TMEM184C: variants seen among roughly 807,000 people sequenced by gnomAD.
TMEM184C encodes transmembrane protein 34.
TMEM184C carries 25 observed loss-of-function variants against 54.5 expected under a neutral mutation model. The ratio of observed to expected loss-of-function variants is 0.46; its 90% CI spans 0.33 to 0.64. The LOEUF (loss-of-function observed/expected upper bound fraction) is 0.64, where lower values mean the gene tolerates loss of function less well. TMEM184C is among the 30% of genes least tolerant of loss of function. The probability of loss-of-function intolerance (pLI) is 0.02; values close to 1 mark genes in which losing one functional copy is unlikely to be tolerated. For synonymous variants in TMEM184C, 148 were observed against 181.5 expected (o/e 0.82, Z 1.49); for missense variants, 335 against 520.3 (o/e 0.64, Z 3.46).
rs2126556556 is a variant in TMEM184C, at chr4:147,635,218, T to A, written c.*784T>A. On this transcript the variant is annotated 3_prime_UTR_variant, in exon 10 of 10. Transcript: ENST00000296582. ...TCTTTCAATAAATAAGAATTTATCA[T>A]TTATTTTCTGCAACTTTTTTATGTC... 1.3e-5 allele frequency: 2 copies of A among 152,356 alleles called. No individual in the cohort carries two copies. The highest frequency in any genetic ancestry group is 2.4e-5 in the African/African-American group (1 of 41,586). The allele number at this position is 152,356 out of a possible 1,614,324, so 9.4% of individuals were successfully genotyped here. A position where few individuals can be genotyped will look rare whatever the true frequency, so the allele number is the denominator to read the frequency against.
rs1732975898 is a variant in TMEM184C at position 147,634,440 on chromosome 4, A to G, written c.*6A>G. 5.6e-6 allele frequency: 9 copies of G among 1,611,942 alleles called. No homozygotes were observed. The East Asian group carries it at 2.0e-4, about 36-fold the overall frequency. Reference sequence around the variant, plus strand: ...ATAAATCCGTGGATTCCTGAACAGTATGGAAAAGCAAACTGTGCAACTACT... The same window carrying G: ...ATAAATCCGTGGATTCCTGAACAGTGTGGAAAAGCAAACTGTGCAACTACT... On this transcript the variant is annotated 3_prime_UTR_variant, in exon 10 of 10. Transcript: ENST00000296582.
chr4:147,623,812 A>G, intron 1 of TMEM184C, 22 bp from the exon 2 acceptor site: 2 of 1,611,158 alleles, frequency 1.2e-6, no homozygotes, highest in Non-Finnish European at 1.7e-6. Context: ...ATTTATATTA[A>G]CATGTTATTT....
intron 4 of TMEM184C, among the ~76,000 whole-genome samples, chr4:147,626,977 G>A (rs1249679887): frequency 6.6e-6 from 1 of 152,232 alleles, no homozygotes; most frequent in East Asian, 1.9e-4. Context: ...GGACATCAGG[G>A]CTAGGAGGAT....
At chr4:147,626,855 A>T (rs1392149342) in intron 4 of TMEM184C, among the ~76,000 whole-genome samples, 1 of 152,238 alleles carries the variant, frequency 6.6e-6, no homozygotes, top group East Asian at 1.9e-4. Flanking sequence ...ATTAATATAG[A>T]TTGGTTATCA....
chr4:147,633,833 A>C lies in TMEM184C; in HGVS notation c.948A>C (p.Pro316=). 6.2e-7 allele frequency: 1 copy of C among 1,613,896 alleles called. No individual in the cohort carries two copies. The highest frequency in any genetic ancestry group is 1.3e-5 in the African/African-American group (1 of 75,050). The part of the protein sequence containing the change: ...IAHHYTFSYK[P]YVQEAEEGSC... Reference sequence around the variant, plus strand: ...ATCATTACACATTCTCATATAAACCATATGTCCAAGAAGCAGAAGAGGGCT... The same window carrying C: ...ATCATTACACATTCTCATATAAACCCTATGTCCAAGAAGCAGAAGAGGGCT... Residue 316 remains proline, a synonymous_variant, in exon 9 of 10, where the codon CCA becomes CCC. Transcript: ENST00000296582.
chr4:147,626,223 C>G (rs1344109233), intron 4 of TMEM184C, among the ~76,000 whole-genome samples: 4 of 152,118 alleles, frequency 2.6e-5, no homozygotes. Flanking sequence ...AATGTTAGTC[C>G]TACAAAGGCA....
At position 147,617,555 on chromosome 4, in the gene TMEM184C, C is replaced by T. The variant is rs1217958206; in HGVS notation, c.-402C>T. 2 of 172,992 alleles carry T rather than the reference C, an allele frequency of 1.2e-5. No homozygotes were observed. Among genetic ancestry groups the T allele is most frequent in the Non-Finnish European group, 2.6e-5 (2 of 78,042 alleles). 10.7% of individuals were successfully genotyped at this position (172,992 alleles called of 1,614,324 possible). The stretch of plus-strand genomic sequence containing the variant: ...AAAAGAGCGAGTGGGCAGGCAGCTG[C>T]GAGACAGAACCGGAGTGTGCAGGGT... On this transcript the variant is annotated 5_prime_UTR_variant, in exon 1 of 10. Transcript: ENST00000296582.
rs758280226 is a variant in TMEM184C at position 147,633,760 on chromosome 4, C to T, written c.880-5C>T. ...GTGGCTGTTATCTTATTGTTGTTCT[C>T]ATAGGATTTTATTATCTGTATTGAG... On this transcript the variant is annotated splice_polypyrimidine_tract_variant and splice_region_variant and intron_variant, in intron 8 of 9. Coordinates refer to ENST00000296582, the MANE Select transcript of TMEM184C (RefSeq NM_018241.3). 2.6e-6 allele frequency: 4 copies of T among 1,561,672 alleles called. No individual in the cohort carries two copies. In the African/African-American group the frequency reaches 5.4e-5, roughly 21 times the overall value.
chr4:147,621,379 GA>G (rs1024449316), intron 1 of TMEM184C, among the ~76,000 whole-genome samples: 1 of 151,588 alleles, frequency 6.6e-6, no homozygotes, highest in African/African-American at 2.4e-5. Context: ...AGTTACCCAT[GA>G]AAAAAAATCT....
At chr4:147,627,406 T>G (rs1470475161) in intron 4 of TMEM184C, among the ~76,000 whole-genome samples, 1 of 152,166 alleles carries the variant, frequency 6.6e-6, no homozygotes, top group African/African-American at 2.4e-5. Context: ...TTCTCATGCC[T>G]CAGCCTCCCA....
At chr4:147,620,609 G>C (rs1732691063) in intron 1 of TMEM184C, among the ~76,000 whole-genome samples, 2 of 152,226 alleles carry the variant, frequency 1.3e-5, no homozygotes, top group Non-Finnish European at 2.9e-5. Context: ...AGCAGGAGTG[G>C]AAATGGAAAA....
chr4:147,620,043 T>C (rs1732677903), intron 1 of TMEM184C, among the ~76,000 whole-genome samples: 1 of 152,296 alleles, frequency 6.6e-6, no homozygotes, highest in Non-Finnish European at 1.5e-5. Context: ...ATCCCAGGCA[T>C]GCTCCCTCCT....
chr4:147,627,456 A>AT (rs1270257149), intron 4 of TMEM184C, among the ~76,000 whole-genome samples: 9 of 151,664 alleles, frequency 5.9e-5, no homozygotes, highest in East Asian at 1.9e-4. Flanking sequence ...AAATTTTGTT[A>AT]TTTTTTTTGT....
rs1578858218 is a variant in TMEM184C, at chr4:147,623,972, T to G, written c.254+8T>G. ...ACAAAAACCAATAATAAGGTATGTCTTAATAATTTTGATTCCACTACTGTT... is the reference window on the plus strand; with the variant it reads ...ACAAAAACCAATAATAAGGTATGTCGTAATAATTTTGATTCCACTACTGTT... On this transcript the variant is annotated splice_region_variant and intron_variant, in intron 2 of 9. Transcript: ENST00000296582. The G allele has an allele frequency of 1.2e-6, 2 of 1,613,706 alleles. No individual in the cohort carries two copies. The highest frequency in any genetic ancestry group is 2.2e-5 in the East Asian group (1 of 44,834).
chr4:147,635,587 T>C lies in TMEM184C; in HGVS notation c.*1153T>C, dbSNP rs769616202. On this transcript the variant is annotated 3_prime_UTR_variant, in exon 10 of 10. Coordinates refer to ENST00000296582, the MANE Select transcript of TMEM184C (RefSeq NM_018241.3). ...GATGAGTATTGTTTCTCAAAGCCTT[T>C]GCTTTATGTATTTATACACATACTC... is the stretch of plus-strand genomic sequence containing the variant. 2 of 152,230 alleles carry C rather than the reference T, an allele frequency of 1.3e-5. No homozygotes were observed. Among genetic ancestry groups the C allele is most frequent in the Non-Finnish European group, 2.9e-5 (2 of 68,020 alleles). The allele number at this position is 152,230 out of a possible 1,614,324, so 9.4% of individuals were successfully genotyped here.
intron 7 of TMEM184C, among the ~76,000 whole-genome samples, chr4:147,632,172 C>CA (rs537342410): frequency 0.93 from 114,332 of 123,108 alleles, 53,425 homozygotes; most frequent in South Asian, 0.99. Context: ...AACTCTGTCT[C>CA]AAAAAAAAAA....
intron 7 of TMEM184C, 90 bp from the exon 8 acceptor site, chr4:147,632,813 A>G: frequency 1.8e-6 from 2 of 1,094,618 alleles, no homozygotes; most frequent in South Asian, 1.4e-5. Context: ...CACAGGTTGC[A>G]CTGGATTTTT....
intron 6 of TMEM184C, among the ~76,000 whole-genome samples, chr4:147,630,018 TAC>T (rs1235240179): frequency 1.3e-5 from 2 of 150,820 alleles, no homozygotes; most frequent in African/African-American, 4.9e-5. Context: ...AAAAAAAAAA[TAC>T]ACACACACGC....
rs138191080 is a variant in TMEM184C at position 147,624,884 on chromosome 4, C to T, written c.372C>T (p.Asn124=). The change falls in exon 4 of 10, where the codon AAC becomes AAT. Residue 124 remains asparagine, a synonymous_variant. Transcript: ENST00000296582. ...GCTATGAAGCTTATGTAATTTACAACTTTATGGGATTCCTTACCAATTATC... is the reference window on the plus strand; with the variant it reads ...GCTATGAAGCTTATGTAATTTACAATTTTATGGGATTCCTTACCAATTATC... ...RECYEAYVIY[N]FMGFLTNYLT... The T allele has an allele frequency of 2.5e-6, 4 of 1,613,754 alleles. No homozygotes were observed. The highest frequency in any genetic ancestry group is 2.7e-5 in the African/African-American group (2 of 74,908).
Sources: gnomAD v4.1 joint callset for allele counts (sites outside exome capture counted in the v4.1 genomes callset) on GRCh38, gnomAD v4.1.1 for gene constraint, MANE v1.5 for transcripts, NCBI Gene and HGNC (gene_info 2026-07-23, HGNC 2026-07-21) for gene names.